The following PARP14 variants were observed in gnomAD, a reference collection of about 807,000 sequenced individuals.
PARP14 encodes the protein protein mono-ADP-ribosyltransferase PARP14.
Under a neutral mutation model 154.2 loss-of-function variants are expected in PARP14, and 59 were observed. The observed-to-expected ratio is 0.38, with a 90% CI of 0.31 to 0.48. PARP14 has a LOEUF of 0.48. PARP14 is among the 20% of genes least tolerant of loss of function. The pLI is 0.98. For missense variants in PARP14, 1,734 were observed against 2,131.6 expected (o/e 0.81, Z 3.67); for synonymous variants, 720 against 780.5 (o/e 0.92, Z 1.29).
intron 3 of PARP14, among the ~76,000 whole-genome samples, chr3:122,690,584 T>A (rs1938507135): frequency 6.6e-6 from 1 of 152,206 alleles, no homozygotes; most frequent in African/African-American, 2.4e-5. Flanking sequence ...CAATCTCGGC[T>A]CACTGCAACC....
intron 3 of PARP14, among the ~76,000 whole-genome samples, chr3:122,688,159 A>G (rs936707729): frequency 2.6e-5 from 4 of 151,852 alleles, no homozygotes; most frequent in Admixed American, 2.6e-4. Flanking sequence ...CCCAGCTCCC[A>G]GTGTTTGTCG....
chr3:122,691,739 T>G (rs1938546282), intron 3 of PARP14, among the ~76,000 whole-genome samples: 1 of 152,146 alleles, frequency 6.6e-6, no homozygotes, highest in African/African-American at 2.4e-5. Flanking sequence ...GTTGAATAAT[T>G]TTAGTCTGGT....
At chr3:122,728,083 T>TGA in intron 16 of PARP14, 97 bp downstream of exon 16, 1 of 1,141,106 alleles carries the variant, frequency 8.8e-7, no homozygotes, top group Non-Finnish European at 1.3e-6. Context: ...TCCCCCATCA[T>TGA]TGGTGGCCAT....
In PARP14 at chr3:122,700,942, A is replaced by G; in HGVS notation, c.2388A>G (p.Thr796=). 3 of 1,613,950 alleles carry G rather than the reference A, an allele frequency of 1.9e-6. No individual in the cohort carries two copies. The highest frequency in any genetic ancestry group is 2.5e-6 in the Non-Finnish European group (3 of 1,179,876). The part of the protein sequence containing the change: ...SPAGQKCFSR[T]VLAPGVVLIV... The stretch of plus-strand genomic sequence containing the variant: ...CTGGGCAGAAGTGCTTCTCTCGGAC[A>G]GTCTTGGCCCCTGGCGTTGTGCTGA... The change falls in exon 6 of 17, where the codon ACA becomes ACG. Residue 796 remains threonine, a synonymous_variant. Coordinates refer to ENST00000474629, the MANE Select transcript of PARP14 (RefSeq NM_017554.3).
chr3:122,704,508 T>A lies in PARP14; in HGVS notation c.3319-19T>A, dbSNP rs774745618. On this transcript the variant is annotated intron_variant, in intron 7 of 16. Transcript: ENST00000474629. ...CATTTCTAGACAAGATGTATAAGGA[T>A]GTGCTTTGTGCGTTTCAGATAATGG... 3.4e-5 allele frequency: 50 copies of A among 1,463,842 alleles called. No individual in the cohort carries two copies. The East Asian group carries it at 1.1e-3, about 34-fold the overall frequency. 90.7% of individuals were successfully genotyped at this position (1,463,842 alleles called of 1,614,324 possible). A position where few individuals can be genotyped will look rare whatever the true frequency, so the allele number is the denominator to read the frequency against.
rs777182920 is a variant in PARP14, at chr3:122,701,587, G to A, written c.3033G>A (p.Pro1011=). Residue 1011 remains proline, a synonymous_variant, in exon 6 of 17, where the codon CCG becomes CCA. Transcript: ENST00000474629. The surrounding 1 kb of genome is among the most constrained non-coding windows in gnomAD (Gnocchi z 4.0). ...GGGAAAAAGGAAGCCTGGTGTCCCCGGGAGGCCTGCAGATGCTGTTGGTGA... is the reference window on the plus strand; with the variant it reads ...GGGAAAAAGGAAGCCTGGTGTCCCCAGGAGGCCTGCAGATGCTGTTGGTGA... ...TSWEKGSLVS[P]GGLQMLLVKE... is the part of the protein sequence containing the mutation. The A allele has an allele frequency of 1.1e-5, 17 of 1,606,000 alleles. No individual in the cohort carries two copies. Among genetic ancestry groups the A allele is most frequent in the Admixed American group, 5.1e-5 (3 of 58,500 alleles).
At chr3:122,723,968 T>A (rs959447658) in intron 15 of PARP14, among the ~76,000 whole-genome samples, 1 of 152,210 alleles carries the variant, frequency 6.6e-6, no homozygotes, top group African/African-American at 2.4e-5. Context: ...AATCAGTATG[T>A]TATATTTAAT....
chr3:122,727,396 T>G (rs1216545424), intron 15 of PARP14, among the ~76,000 whole-genome samples: 1 of 152,226 alleles, frequency 6.6e-6, no homozygotes, highest in Non-Finnish European at 1.5e-5. Context: ...GTTGCTTCTC[T>G]TACTGTTAGT....
At position 122,680,895 on chromosome 3, in the gene PARP14, C is replaced by G. The variant is rs776419568; in HGVS notation, c.12C>G (p.Pro4=). The G allele has an allele frequency of 2.5e-6, 4 of 1,606,020 alleles. No homozygotes were observed. Among genetic ancestry groups the G allele is most frequent in the Non-Finnish European group, 2.5e-6 (3 of 1,176,726 alleles). Residue 4 remains proline, a synonymous_variant, in exon 1 of 17, where the codon CCC becomes CCG. Coordinates refer to ENST00000474629, the MANE Select transcript of PARP14 (RefSeq NM_017554.3). The part of the protein sequence containing the change: MAV[P]GSFPLLVEGS... ...GAGCGGAGCTGAGGATGGCTGTGCCCGGCTCCTTCCCGCTGCTGGTCGAGG... is the reference window on the plus strand; with the variant it reads ...GAGCGGAGCTGAGGATGGCTGTGCCGGGCTCCTTCCCGCTGCTGGTCGAGG...
chr3:122,710,794 TA>T (rs1357902925), intron 9 of PARP14, among the ~76,000 whole-genome samples: 48 of 23,650 alleles, frequency 2.0e-3, no homozygotes, highest in African/African-American at 4.7e-3. Context: ...CTAGGTATTT[TA>T]TTTATTTATT....
chr3:122,715,579 A>G (rs546065749), intron 12 of PARP14, among the ~76,000 whole-genome samples: 3 of 151,250 alleles, frequency 2.0e-5, no homozygotes, highest in Non-Finnish European at 2.9e-5. Context: ...CATTTCTCCT[A>G]TCTCTCTCTA....
Position 122,699,498 on chromosome 3 carries a change from T to C in PARP14, c.944T>C (p.Leu315Pro), listed in dbSNP as rs537742396. Residue 315 changes from leucine to proline, a missense_variant, in exon 6 of 17, where the codon CTG (leucine) becomes CCG (proline). By Grantham distance (98) the Leu-to-Pro change is moderately conservative. Coordinates refer to ENST00000474629, the MANE Select transcript of PARP14 (RefSeq NM_017554.3). The part of the protein sequence containing the change: ...GTALYGKEKP[L>P]IKLPAPFEES... ...GCCTTGTATGGAAAGGAGAAGCCTC[T>C]GATCAAGCTTCCAGCACCATTTGAA... The C allele has an allele frequency of 9.3e-6, 15 of 1,613,886 alleles. No homozygotes were observed. In the South Asian group the frequency reaches 1.4e-4, roughly 15 times the overall value.
intron 7 of PARP14, 52 bp downstream of exon 7, chr3:122,704,030 C>T: frequency 1.0e-5 from 12 of 1,198,694 alleles, no homozygotes; most frequent in Non-Finnish European, 1.5e-5. Context: ...TTTGGGTTCT[C>T]CTTTTAGTAG....
chr3:122,726,668 T>C (rs545037298), intron 15 of PARP14, among the ~76,000 whole-genome samples: 1 of 152,168 alleles, frequency 6.6e-6, no homozygotes, highest in Non-Finnish European at 1.5e-5. Context: ...CAGGTTACTA[T>C]ATTCAAAAAT....
At chr3:122,725,394 G>A (rs1056963418) in intron 15 of PARP14, among the ~76,000 whole-genome samples, 2 of 151,530 alleles carry the variant, frequency 1.3e-5, no homozygotes, top group Non-Finnish European at 2.9e-5. Context: ...GGGCAAAGGT[G>A]CTCCCCACCT....
chr3:122,694,500 A>G (rs1349711150), intron 4 of PARP14, among the ~76,000 whole-genome samples: 1 of 152,162 alleles, frequency 6.6e-6, no homozygotes, highest in Non-Finnish European at 1.5e-5. Context: ...ATCCTAGCAC[A>G]GTGCCTGGCA....
intron 8 of PARP14, among the ~76,000 whole-genome samples, chr3:122,705,601 A>T (rs1377527559): frequency 6.6e-6 from 1 of 152,232 alleles, no homozygotes; most frequent in Non-Finnish European, 1.5e-5. Context: ...TTATCCCTGC[A>T]CTCCGAGTCT....
chr3:122,681,687 T>C lies in PARP14; in HGVS notation c.187+617T>C, dbSNP rs922878173. 6.6e-6 allele frequency among the ~76,000 whole-genome samples: 1 copy of C among 152,172 alleles called. No individual in the cohort carries two copies. Among genetic ancestry groups the C allele is most frequent in the African/African-American group, 2.4e-5 (1 of 41,446 alleles). ...CGGGGCCTCTTCTCCGAGTCTCTAGTGGCCCTCAGATTGGGAGCAAGGATG... is the reference window on the plus strand; with the variant it reads ...CGGGGCCTCTTCTCCGAGTCTCTAGCGGCCCTCAGATTGGGAGCAAGGATG... On this transcript the variant is annotated intron_variant, in intron 1 of 16. Coordinates refer to ENST00000474629, the MANE Select transcript of PARP14 (RefSeq NM_017554.3). This position sits in a 1 kb window ranked among gnomAD's most constrained non-coding sequence, Gnocchi z 5.5.
In PARP14 at chr3:122,681,070, G is replaced by C. The variant is rs1443072515; in HGVS notation, c.187G>C (p.Val63Leu). The C allele has an allele frequency of 6.2e-7, 1 of 1,612,162 alleles. No homozygotes were observed. Among genetic ancestry groups the C allele is most frequent in the Non-Finnish European group, 8.5e-7 (1 of 1,178,386 alleles). The change falls in exon 1 of 17, where the codon GTT (valine) becomes CTT (leucine). Residue 63 changes from valine to leucine, a missense_variant and splice_region_variant. Val to Leu is a conservative substitution (Grantham distance 32, BLOSUM62 1). Coordinates refer to ENST00000474629, the MANE Select transcript of PARP14 (RefSeq NM_017554.3). This position sits in a 1 kb window ranked among gnomAD's most constrained non-coding sequence, Gnocchi z 5.5. ...CCTGGTGTTCTTCTACCCGGAGGAC[G>C]GTGAGGGGCGCGAGGGGTGGGGTGA... ...RFLVFFYPED[V>L]RQKVLERKNH...
Sources: gnomAD v4.1 joint callset for allele counts (sites outside exome capture counted in the v4.1 genomes callset) on GRCh38, gnomAD v4.1.1 for gene constraint, Gnocchi (gnomAD v3.1) non-coding constraint, MANE v1.5 for transcripts, NCBI Gene and HGNC (gene_info 2026-07-23, HGNC 2026-07-21) for gene names.